The following RP1 variants were observed in gnomAD, a reference collection of about 807,000 sequenced individuals.
The protein encoded by RP1 is oxygen-regulated protein 1.
Under a neutral mutation model 14.8 loss-of-function variants are expected in RP1, and 16 were observed. The observed-to-expected ratio is 1.08, with a 90% CI of 0.73 to 1.65. The LOEUF is 1.65. Ranked by LOEUF, RP1 falls within the 40% of genes most tolerant of loss-of-function variation. The probability of loss-of-function intolerance (pLI) is 0.00; values close to 1 mark genes in which losing one functional copy is unlikely to be tolerated. For synonymous variants in RP1, 876 were observed against 883.6 expected, an observed-to-expected ratio of 0.99 and a Z score of 0.15; for missense variants, 2,631 against 2,535.0, an observed-to-expected ratio of 1.04 and a Z score of -0.81.
At chr8:54,773,918 G>A (rs1809971767), downstream of RP1, among the ~76,000 whole-genome samples, 1 of 152,158 alleles carries the variant, frequency 6.6e-6, no homozygotes, top group Non-Finnish European at 1.5e-5. Context: ...TAGATTATGT[G>A]TGGCAAAGAT....
At chr8:54,715,908 G>A (rs773047536) in intron 15 of RP1, among the ~76,000 whole-genome samples, 3 of 152,166 alleles carry the variant, frequency 2.0e-5, no homozygotes, top group Non-Finnish European at 2.9e-5. Context: ...AGACAAATAC[G>A]CCATAGTGTG....
At chr8:54,790,365 A>G (rs989840959) in intron 24 of RP1, among the ~76,000 whole-genome samples, 4 of 152,218 alleles carry the variant, frequency 2.6e-5, no homozygotes, top group Admixed American at 6.5e-5. Flanking sequence ...GTGAACCTGT[A>G]AAGTCTGGAA....
chr8:54,769,876 C>T, exon 23 of RP1: 1 of 992,510 alleles, frequency 1.0e-6, no homozygotes. Flanking sequence ...GAACACTATT[C>T]CCCAGTTTTC....
chr8:54,608,201 TA>T (rs773569684), intron 1 of RP1, among the ~76,000 whole-genome samples: 8,776 of 146,300 alleles, frequency 0.06, 831 homozygotes, highest in African/African-American at 0.2. Context: ...TTTTTTTTTT[TA>T]ATTTGAGATG....
chr8:54,711,110 TA>T (rs2129346667), intron 15 of RP1, among the ~76,000 whole-genome samples: 1 of 152,234 alleles, frequency 6.6e-6, no homozygotes, highest in South Asian at 2.1e-4. Flanking sequence ...ATCCCCAGAA[TA>T]AGGTGAGGTG....
intron 28 of RP1, among the ~76,000 whole-genome samples, chr8:54,869,666 C>T (rs1044791394): frequency 5.9e-5 from 9 of 152,150 alleles, no homozygotes; most frequent in East Asian, 5.8e-4. Context: ...AAAAACTTGC[C>T]GAAGCTGGAC....
At chr8:54,689,351 T>G (rs1262357518) in intron 12 of RP1, among the ~76,000 whole-genome samples, 1 of 152,136 alleles carries the variant, frequency 6.6e-6, no homozygotes, top group East Asian at 1.9e-4. Context: ...AACACTATGT[T>G]GAATAGGAGT....
At chr8:54,770,090 GTTA>G (rs2129374527), downstream of RP1, 2 of 406,770 alleles carry the variant, frequency 4.9e-6, no homozygotes, top group African/African-American at 4.1e-5. Context: ...AGACAGATCT[GTTA>G]TTAACTGCAC....
upstream of RP1, among the ~76,000 whole-genome samples, chr8:54,612,955 A>G (rs1459596871): frequency 6.6e-6 from 1 of 152,102 alleles, no homozygotes; most frequent in Non-Finnish European, 1.5e-5. Flanking sequence ...ACTTTTCTCC[A>G]TAGCACTTTA....
intron 1 of RP1, among the ~76,000 whole-genome samples, chr8:54,582,529 A>G (rs549673850): frequency 2.0e-5 from 3 of 151,818 alleles, no homozygotes; most frequent in East Asian, 3.9e-4. Flanking sequence ...GTTTTTTCCA[A>G]TTCTGTGAAG....
rs1276805786 is a variant in RP1, at chr8:54,625,581, C to T, written c.1699C>T (p.Pro567Ser). The T allele has an allele frequency of 1.2e-5, 20 of 1,613,876 alleles. No individual in the cohort carries two copies. Among genetic ancestry groups the T allele is most frequent in the Non-Finnish European group, 1.6e-5 (19 of 1,179,986 alleles). ...AGAGATGTCACATAATAATGGTTTG[C>T]CATCAACTATATCAAATAACTCAAT... ...MLEMSHNNGL[P>S]STISNNSIVE... is the part of the protein sequence containing the mutation. The change falls in exon 4 of 4, where the codon CCA becomes TCA. Residue 567 changes from proline (P) to serine (S), a missense_variant. By Grantham distance (74) the Pro-to-Ser change is moderately conservative. Coordinates refer to ENST00000220676, the MANE Select transcript of RP1 (RefSeq NM_006269.2).
intron 12 of RP1, among the ~76,000 whole-genome samples, chr8:54,685,175 A>G (rs1807534076): frequency 6.6e-6 from 1 of 151,852 alleles, no homozygotes; most frequent in South Asian, 2.1e-4. Flanking sequence ...CAGCTCTGAT[A>G]TTTGTTATTT....
At chr8:54,791,837 G>A (rs968769942) in intron 24 of RP1, among the ~76,000 whole-genome samples, 16 of 151,978 alleles carry the variant, frequency 1.1e-4, no homozygotes, top group African/African-American at 3.1e-4. Flanking sequence ...TTAACCAAAT[G>A]GCAAAGATAC....
chr8:54,830,461 G>A (rs1498168), intron 24 of RP1, among the ~76,000 whole-genome samples: 127,854 of 151,990 alleles, frequency 0.84, 54,308 homozygotes, highest in East Asian at 1. Context: ...TATTTCTAGT[G>A]ACATTTCTAT....
chr8:54,711,594 C>T lies in RP1; in HGVS notation c.2211+4939C>T, dbSNP rs189324876. 3.4e-3 allele frequency among the ~76,000 whole-genome samples: 524 copies of T among 152,250 alleles called. 4 individuals carry two copies. Among genetic ancestry groups the T allele is most frequent in the African/African-American group, 0.012 (493 of 41,546 alleles). On this transcript the variant is annotated intron_variant, in intron 15 of 22. Coordinates refer to the RP1 transcript ENST00000636932. ...GCGAGCGCTCTTAGGTTTGTAGTAACGCCTCCTAACCCTAAGCTCACACAG... is the reference window on the plus strand; with the variant it reads ...GCGAGCGCTCTTAGGTTTGTAGTAATGCCTCCTAACCCTAAGCTCACACAG...
upstream of RP1, among the ~76,000 whole-genome samples, chr8:54,612,925 T>A (rs421844): frequency 7.6e-4 from 115 of 152,218 alleles, 1 homozygote; most frequent in Middle Eastern, 0.034. Flanking sequence ...CCTCTACCAC[T>A]GCCACTCCTA....
intron 1 of RP1, among the ~76,000 whole-genome samples, chr8:54,617,155 A>G (rs1237385799): frequency 6.6e-6 from 1 of 152,214 alleles, no homozygotes; most frequent in Non-Finnish European, 1.5e-5. Flanking sequence ...CTTCCTTGCT[A>G]CATATAAGGA....
Position 54,626,968 on chromosome 8 carries a change from C to G in RP1, c.3086C>G (p.Ser1029Ter), listed in dbSNP as rs2129316997. 1 of 1,613,912 alleles carries G rather than the reference C, an allele frequency of 6.2e-7. No individual in the cohort carries two copies. The highest frequency in any genetic ancestry group is 2.2e-5 in the East Asian group (1 of 44,858). ...CATGAACACTGTACTTTGTCACAGT[C>G]AGCTATTAATGATCATAATACTAAA... is the stretch of plus-strand genomic sequence containing the variant. The part of the protein sequence containing the change: ...PLHEHCTLSQ[S>*]AINDHNTKSH... The change falls in exon 4 of 4, where the codon TCA becomes TGA. Residue 1029 changes from serine to a stop codon, truncating the protein, a stop_gained. Coordinates refer to ENST00000220676, the MANE Select transcript of RP1 (RefSeq NM_006269.2). LOFTEE classifies it low-confidence loss of function (END_TRUNC).
At chr8:54,850,546 C>T (rs1397166982) in intron 25 of RP1, among the ~76,000 whole-genome samples, 1 of 152,130 alleles carries the variant, frequency 6.6e-6, no homozygotes, top group Non-Finnish European at 1.5e-5. Context: ...TTGACTTTTC[C>T]TGCCCAAGGA....
Sources: gnomAD v4.1 joint callset for allele counts (sites outside exome capture counted in the v4.1 genomes callset) on GRCh38, gnomAD v4.1.1 for gene constraint, MANE v1.5 for transcripts, NCBI Gene and HGNC (gene_info 2026-07-23, HGNC 2026-07-21) for gene names.